ADAT3: variants seen among roughly 807,000 people sequenced by gnomAD.
The protein encoded by ADAT3 is adenosine deaminase tRNA specific 3.
ADAT3 carries 2 observed loss-of-function variants against 3.5 expected under a neutral mutation model. The ratio of observed to expected loss-of-function variants is 0.57; its 90% CI spans 0.23 to 1.79. The LOEUF is 1.79. ADAT3 is among the 40% of genes most tolerant of loss of function. The probability of loss-of-function intolerance (pLI) is 0.18; values close to 1 mark genes in which losing one functional copy is unlikely to be tolerated. For synonymous variants in ADAT3, 358 were observed against 270.3 expected, an observed-to-expected ratio of 1.32 and a Z score of -3.18; for missense variants, 735 against 571.4, an observed-to-expected ratio of 1.29 and a Z score of -2.92.
At position 1,912,901 on chromosome 19, in the gene ADAT3, A is replaced by C. The variant is rs146212621; in HGVS notation, c.854A>C (p.Asp285Ala). The C allele has an allele frequency of 4.8e-4, 767 of 1,608,514 alleles. 5 individuals carry two copies. In the African/African-American group the frequency reaches 8.4e-3, roughly 18 times the overall value. ...AVRAGAVRKL[D>A]ADEDGLPYLC... ...CGCGCAGGCGCCGTGCGTAAACTGG[A>C]CGCAGACGAGGACGGCCTCCCCTAC... The change falls in exon 2 of 2, where the codon GAC becomes GCC. Residue 285 changes from aspartate to alanine, a missense_variant. Transcript: ENST00000329478.
chr19:1,909,313 G>A (rs2145427450), intron 1 of ADAT3, among the ~76,000 whole-genome samples: 1 of 152,270 alleles, frequency 6.6e-6, no homozygotes, highest in South Asian at 2.1e-4. Flanking sequence ...CCTGCAGGCT[G>A]GCTGTCCCCA....
intron 1 of ADAT3, chr19:1,905,663 G>T (rs886296097): frequency 6.4e-5 from 10 of 157,474 alleles, no homozygotes; most frequent in African/African-American, 2.4e-4. Flanking sequence ...TGGCCTGGGG[G>T]AAGCCTCAGG....
In ADAT3 at chr19:1,912,758, C is replaced by G; in HGVS notation, c.711C>G (p.Leu237=). Residue 237 remains leucine (L), a synonymous_variant, in exon 2 of 2, where the codon CTC becomes CTG. Transcript: ENST00000329478. The part of the protein sequence containing the change: ...GHDCSCADNP[L]LHAVMVCVDL... The stretch of plus-strand genomic sequence containing the variant: ...ACTGCAGCTGCGCGGACAACCCCCT[C>G]CTGCACGCCGTCATGGTGTGCGTGG... The G allele has an allele frequency of 6.4e-7, 1 of 1,554,420 alleles. No individual in the cohort carries two copies. The highest frequency in any genetic ancestry group is 8.6e-7 in the Non-Finnish European group (1 of 1,158,078).
chr19:1,908,933 C>T lies in ADAT3; in HGVS notation c.-158-2957C>T, dbSNP rs1366903918. 2.6e-5 allele frequency among the ~76,000 whole-genome samples: 4 copies of T among 152,006 alleles called. No homozygotes were observed. Among genetic ancestry groups the T allele is most frequent in the South Asian group, 2.1e-4 (1 of 4,826 alleles). On this transcript the variant is annotated intron_variant, in intron 1 of 1. Transcript: ENST00000329478. The surrounding 1 kb of genome is among the most constrained non-coding windows in gnomAD (Gnocchi z 4.2). ...CAGCCTGGCCAACATGGTGGAACCCCGTCTCTACTGAAAATACAAAAATTA... is the reference window on the plus strand; with the variant it reads ...CAGCCTGGCCAACATGGTGGAACCCTGTCTCTACTGAAAATACAAAAATTA...
intron 1 of ADAT3, among the ~76,000 whole-genome samples, chr19:1,910,573 G>GTT (rs1490295435): frequency 4.7e-5 from 6 of 126,822 alleles, no homozygotes; most frequent in Non-Finnish European, 8.1e-5. Context: ...TTTTTGAGGT[G>GTT]TCTTTTTTTT....
chr19:1,912,528 C>G lies in ADAT3; in HGVS notation c.481C>G (p.His161Asp). The G allele has an allele frequency of 6.7e-7, 1 of 1,498,346 alleles. No homozygotes were observed. Among genetic ancestry groups the G allele is most frequent in the Non-Finnish European group, 8.8e-7 (1 of 1,131,290 alleles). The allele number at this position is 1,498,346 out of a possible 1,614,324, so 92.8% of individuals were successfully genotyped here. A position where few individuals can be genotyped will look rare whatever the true frequency, so the allele number is the denominator to read the frequency against. Residue 161 changes from histidine to aspartate, a missense_variant, in exon 2 of 2, where the codon CAC (histidine) becomes GAC (aspartate). Transcript: ENST00000329478. Reference sequence around the variant, plus strand: ...GGGCCAGTTCGAGGAGGCCCGGGCCCACTGGCCCACGTCCTTCCACGAGGA... The same window carrying G: ...GGGCCAGTTCGAGGAGGCCCGGGCCGACTGGCCCACGTCCTTCCACGAGGA... ...TRGQFEEARA[H>D]WPTSFHEDKQ...
intron 1 of ADAT3, among the ~76,000 whole-genome samples, chr19:1,911,506 C>T (rs1157205651): frequency 1.3e-5 from 2 of 152,194 alleles, no homozygotes; most frequent in African/African-American, 2.4e-5. Flanking sequence ...CCTGTCTTGG[C>T]TGGGCGCAGT....
chr19:1,909,525 G>C (rs903001104), intron 1 of ADAT3, among the ~76,000 whole-genome samples: 6 of 151,892 alleles, frequency 4.0e-5, no homozygotes, highest in Non-Finnish European at 7.4e-5. Context: ...GGATGGTAAC[G>C]GCTTTACTGC....
At chr19:1,909,417 C>G (rs2013317823) in intron 1 of ADAT3, among the ~76,000 whole-genome samples, 1 of 152,264 alleles carries the variant, frequency 6.6e-6, no homozygotes. Context: ...AGCCCTTCCT[C>G]TCCAGTGGAG....
At chr19:1,906,881 T>TGC (rs2013151571) in intron 1 of ADAT3, 1 of 138,054 alleles carries the variant, frequency 7.2e-6, no homozygotes, top group Non-Finnish European at 1.5e-5. Flanking sequence ...TGTGTGTGTG[T>TGC]GTGTGTGTAA....
In ADAT3 at chr19:1,913,312, G is replaced by A; in HGVS notation, c.*161G>A. The A allele has an allele frequency of 8.7e-7, 1 of 1,148,806 alleles. No homozygotes were observed. Among genetic ancestry groups the A allele is most frequent in the Non-Finnish European group, 1.2e-6 (1 of 831,350 alleles). 71.2% of individuals were successfully genotyped at this position (1,148,806 alleles called of 1,614,324 possible). A position where few individuals can be genotyped will look rare whatever the true frequency, so the allele number is the denominator to read the frequency against. The stretch of plus-strand genomic sequence containing the variant: ...GGGTGCTGCCTTCCGTGCGGATCGA[G>A]CTTTCCTGGACTCGGTCATTGGGGC... On this transcript the variant is annotated 3_prime_UTR_variant, in exon 2 of 2. Coordinates refer to ENST00000329478, the MANE Select transcript of ADAT3 (RefSeq NM_138422.4).
At position 1,913,053 on chromosome 19, in the gene ADAT3, C is replaced by G. The variant is rs745606082; in HGVS notation, c.1006C>G (p.Arg336Gly). 3 of 1,603,320 alleles carry G rather than the reference C, an allele frequency of 1.9e-6. No individual in the cohort carries two copies. Among genetic ancestry groups the G allele is most frequent in the Middle Eastern group, 1.7e-4 (1 of 6,052 alleles). The change falls in exon 2 of 2, where the codon CGC becomes GGC. Residue 336 changes from arginine to glycine, a missense_variant. Coordinates refer to ENST00000329478, the MANE Select transcript of ADAT3 (RefSeq NM_138422.4). Reference sequence around the variant, plus strand: ...CTCGCCCGACGGCGCCCTGGGCACCCGCTTCCGCATCCACGCACGGCCCGA... The same window carrying G: ...CTCGCCCGACGGCGCCCTGGGCACCGGCTTCCGCATCCACGCACGGCCCGA... Reference protein sequence around the residue: ...APSPDGALGTRFRIHARPDLN... With the variant: ...APSPDGALGTGFRIHARPDLN...
At chr19:1,910,254 A>G (rs2013369514) in intron 1 of ADAT3, among the ~76,000 whole-genome samples, 2 of 152,068 alleles carry the variant, frequency 1.3e-5, no homozygotes, top group Admixed American at 6.6e-5. Context: ...TCTGCTTGCA[A>G]CTCACGCAGG....
At chr19:1,910,408 C>T (rs922466211) in intron 1 of ADAT3, among the ~76,000 whole-genome samples, 20 of 152,158 alleles carry the variant, frequency 1.3e-4, no homozygotes, top group African/African-American at 4.8e-4. Flanking sequence ...GCAGAGATCA[C>T]ATCAGTGGTT....
Position 1,912,352 on chromosome 19 carries a change from G to A in ADAT3, c.305G>A (p.Ser102Asn). 1.3e-6 allele frequency: 2 copies of A among 1,529,186 alleles called. No individual in the cohort carries two copies. Among genetic ancestry groups the A allele is most frequent in the Non-Finnish European group, 1.7e-6 (2 of 1,145,922 alleles). 94.7% of individuals were successfully genotyped at this position (1,529,186 alleles called of 1,614,324 possible). A position where few individuals can be genotyped will look rare whatever the true frequency, so the allele number is the denominator to read the frequency against. ...GTGCGGCCCAGCCGCGATGCCGGCA[G>A]CCCCCACGCCCTGGAGATGCTGCTT... ...KRVRPSRDAGSPHALEMLLCL... is the reference protein window; with the variant it reads ...KRVRPSRDAGNPHALEMLLCL... Residue 102 changes from serine to asparagine, a missense_variant, in exon 2 of 2, where the codon AGC becomes AAC. Transcript: ENST00000329478.
chr19:1,913,248 T>C lies in ADAT3; in HGVS notation c.*97T>C. On this transcript the variant is annotated 3_prime_UTR_variant, in exon 2 of 2. Coordinates refer to ENST00000329478, the MANE Select transcript of ADAT3 (RefSeq NM_138422.4). Reference sequence around the variant, plus strand: ...GATTTCTTCCGCACAAGCCTGACCGTGGATTTCAGGGACACATACCGCCTC... The same window carrying C: ...GATTTCTTCCGCACAAGCCTGACCGCGGATTTCAGGGACACATACCGCCTC... 7.0e-7 allele frequency: 1 copy of C among 1,434,870 alleles called. No homozygotes were observed. Among genetic ancestry groups the C allele is most frequent in the Non-Finnish European group, 9.2e-7 (1 of 1,087,832 alleles). The allele number at this position is 1,434,870 out of a possible 1,614,324, so 88.9% of individuals were successfully genotyped here. A position where few individuals can be genotyped will look rare whatever the true frequency, so the allele number is the denominator to read the frequency against.
rs1451781165 is a variant in ADAT3, at chr19:1,912,960, G to A, written c.913G>A (p.Glu305Lys). The change falls in exon 2 of 2, where the codon GAG becomes AAG. Residue 305 changes from glutamate (E) to lysine (K), a missense_variant. Coordinates refer to ENST00000329478, the MANE Select transcript of ADAT3 (RefSeq NM_138422.4). ...TGGCTACGACCTGTACGTGACCCGC[G>A]AGCCCTGCGCCATGTGCGCCATGGC... ...CTGYDLYVTR[E>K]PCAMCAMALV... 1.9e-6 allele frequency: 3 copies of A among 1,610,190 alleles called. No homozygotes were observed. The highest frequency in any genetic ancestry group is 2.5e-6 in the Non-Finnish European group (3 of 1,179,366).
chr19:1,909,862 C>T (rs865822171), intron 1 of ADAT3, among the ~76,000 whole-genome samples: 15 of 152,148 alleles, frequency 9.9e-5, no homozygotes, highest in Admixed American at 9.2e-4. Context: ...GATGGGAAGT[C>T]GGGCCCACCA....
At position 1,913,157 on chromosome 19, in the gene ADAT3, G is replaced by A. The variant is rs771348874; in HGVS notation, c.*6G>A. The stretch of plus-strand genomic sequence containing the variant: ...GGCTGGACCCCGACACGTAGGCGCC[G>A]CCCTCCTGCCTCCGGACCCTTCCCG... On this transcript the variant is annotated 3_prime_UTR_variant, in exon 2 of 2. Transcript: ENST00000329478. 1.3e-6 allele frequency: 2 copies of A among 1,529,336 alleles called. No homozygotes were observed. The highest frequency in any genetic ancestry group is 4.0e-5 in the Admixed American group (2 of 50,316). The allele number at this position is 1,529,336 out of a possible 1,614,324, so 94.7% of individuals were successfully genotyped here. A position where few individuals can be genotyped will look rare whatever the true frequency, so the allele number is the denominator to read the frequency against.
Sources: allele counts gnomAD v4.1 joint callset (sites outside exome capture counted in the v4.1 genomes callset), GRCh38; gene constraint gnomAD v4.1.1; non-coding constraint Gnocchi (gnomAD v3.1); transcripts MANE v1.5; gene names NCBI Gene and HGNC (gene_info 2026-07-23, HGNC 2026-07-21).